The following SEZ6L variants were observed in gnomAD, a reference collection of about 807,000 sequenced individuals.
The protein encoded by SEZ6L is seizure 6-like protein.
Under a neutral mutation model 106.2 loss-of-function variants are expected in SEZ6L, and 37 were observed. That is an observed-to-expected ratio of 0.35 (90% confidence interval 0.27 to 0.46). The LOEUF (loss-of-function observed/expected upper bound fraction) is 0.46. Among genes scored for constraint, SEZ6L ranks in the 20% least tolerant of loss-of-function variants. The pLI, the probability that SEZ6L is intolerant of heterozygous loss-of-function variation, is 1.00. For missense variants in SEZ6L, 1,172 were observed against 1,332.8 expected, an observed-to-expected ratio of 0.88 and a Z score of 1.88; for synonymous variants, 541 against 570.4, an observed-to-expected ratio of 0.95 and a Z score of 0.73.
chr22:26,349,960 CAGCACTACAGAGAA>C (rs2083217543), intron 11 of SEZ6L, among the ~76,000 whole-genome samples: 1 of 151,794 alleles, frequency 6.6e-6, no homozygotes, highest in African/African-American at 2.4e-5. Flanking sequence ...TACTACATTC[CAGCACTACAGAGAA>C]AGCAGTGAAG....
intron 10 of SEZ6L, 87 bp downstream of exon 10, chr22:26,340,719 T>C: frequency 9.2e-7 from 1 of 1,084,796 alleles, no homozygotes; most frequent in South Asian, 1.6e-5. Context: ...GGCAGTTTTG[T>C]ACTACAGCGA....
At chr22:26,269,360 G>A (rs1601327652) in intron 1 of SEZ6L, among the ~76,000 whole-genome samples, 1 of 152,164 alleles carries the variant, frequency 6.6e-6, no homozygotes, top group Non-Finnish European at 1.5e-5. Flanking sequence ...CTTCCTCAGA[G>A]CTTGAACTAG....
chr22:26,377,251 G>A (rs191484799), intron 15 of SEZ6L, among the ~76,000 whole-genome samples: 10 of 152,260 alleles, frequency 6.6e-5, no homozygotes, highest in African/African-American at 2.2e-4. Flanking sequence ...ACTACAACCC[G>A]GGTGACAGAG....
At chr22:26,348,465 C>T (rs533963870) in intron 11 of SEZ6L, among the ~76,000 whole-genome samples, 5 of 136,572 alleles carry the variant, frequency 3.7e-5, no homozygotes, top group South Asian at 4.8e-4. Flanking sequence ...TGCCCTTTAG[C>T]CTGGGTGACA....
chr22:26,360,315 C>G (rs6005026), intron 12 of SEZ6L, among the ~76,000 whole-genome samples: 11,577 of 152,172 alleles, frequency 0.076, 1,526 homozygotes, highest in African/African-American at 0.26. Flanking sequence ...CTTTATGCAC[C>G]TTCCATCTCC....
intron 1 of SEZ6L, among the ~76,000 whole-genome samples, chr22:26,269,725 A>G (rs2080302867): frequency 6.6e-6 from 1 of 152,212 alleles, no homozygotes; most frequent in African/African-American, 2.4e-5. Flanking sequence ...CCTGCCTGTC[A>G]CAGAAGCTGC....
chr22:26,334,950 T>A (rs1445038929), intron 9 of SEZ6L, among the ~76,000 whole-genome samples: 1 of 152,128 alleles, frequency 6.6e-6, no homozygotes, highest in African/African-American at 2.4e-5. Context: ...CAAACTGCCA[T>A]CCCGTTTTCC....
At chr22:26,350,655 C>CTTT (rs1181293548) in intron 11 of SEZ6L, among the ~76,000 whole-genome samples, 6 of 130,398 alleles carry the variant, frequency 4.6e-5, no homozygotes, top group African/African-American at 1.2e-4. Flanking sequence ...AGTTAGGAAA[C>CTTT]TTTTTTTTTT....
At chr22:26,175,209 T>G (rs892637714) in intron 1 of SEZ6L, among the ~76,000 whole-genome samples, 1 of 152,206 alleles carries the variant, frequency 6.6e-6, no homozygotes, top group Non-Finnish European at 1.5e-5. Context: ...TAGCAAGCAT[T>G]TAAGTAAAGC....
intron 1 of SEZ6L, among the ~76,000 whole-genome samples, chr22:26,287,268 G>A (rs1159885416): frequency 1.3e-5 from 2 of 152,108 alleles, no homozygotes; most frequent in African/African-American, 4.8e-5. Flanking sequence ...CATCTCTTCT[G>A]TTTGATCTCT....
intron 9 of SEZ6L, among the ~76,000 whole-genome samples, chr22:26,333,817 A>G (rs1200511647): frequency 6.6e-6 from 1 of 152,196 alleles, no homozygotes; most frequent in Non-Finnish European, 1.5e-5. Flanking sequence ...GCTCTGTGCA[A>G]TAGTGAATCA....
chr22:26,171,737 G>A (rs1157456718), intron 1 of SEZ6L, among the ~76,000 whole-genome samples: 2 of 152,150 alleles, frequency 1.3e-5, no homozygotes, highest in Non-Finnish European at 2.9e-5. Flanking sequence ...CAATTGATGT[G>A]CTACTTCAGA....
chr22:26,245,232 T>C (rs2079294110), intron 1 of SEZ6L, among the ~76,000 whole-genome samples: 1 of 152,132 alleles, frequency 6.6e-6, no homozygotes, highest in Admixed American at 6.5e-5. Context: ...GTAGCCAAGG[T>C]AGCTATGCAA....
chr22:26,223,300 C>G (rs1257947367), intron 1 of SEZ6L, among the ~76,000 whole-genome samples: 1 of 152,154 alleles, frequency 6.6e-6, no homozygotes, highest in Non-Finnish European at 1.5e-5. Flanking sequence ...GACTCCAAGT[C>G]CAGGTAGGTC....
intron 1 of SEZ6L, among the ~76,000 whole-genome samples, chr22:26,239,242 A>G (rs906628519): frequency 3.9e-5 from 6 of 152,140 alleles, no homozygotes; most frequent in African/African-American, 1.4e-4. Flanking sequence ...GAGGGGGAGC[A>G]TCTGGCCAGC....
intron 1 of SEZ6L, among the ~76,000 whole-genome samples, chr22:26,287,383 T>A (rs2080971407): frequency 6.6e-6 from 1 of 152,126 alleles, no homozygotes; most frequent in Admixed American, 6.5e-5. Flanking sequence ...TAGGAGAAAG[T>A]GAACACCCAA....
rs1012168329 is a variant in SEZ6L, at chr22:26,179,821, C to T, written c.94+10058C>T. Among the ~76,000 whole-genome samples, 4 of 152,284 alleles carry T rather than the reference C, an allele frequency of 2.6e-5. No individual in the cohort carries two copies. The South Asian group carries it at 8.3e-4, about 32-fold the overall frequency. On this transcript the variant is annotated intron_variant, in intron 1 of 16. Coordinates refer to ENST00000248933, the MANE Select transcript of SEZ6L (RefSeq NM_021115.5). ...CTCACTCACCATAGATCTCTCATCA[C>T]CTCCACTTACCCATTCGCTATTATG...
At chr22:26,375,300 G>T (rs534051885) in intron 14 of SEZ6L, among the ~76,000 whole-genome samples, 4 of 152,140 alleles carry the variant, frequency 2.6e-5, no homozygotes, top group Non-Finnish European at 5.9e-5. Flanking sequence ...TTTAACTGTA[G>T]CTCCCAAAAA....
chr22:26,377,763 T>C lies in SEZ6L; in HGVS notation c.3033T>C (p.Ile1011=), dbSNP rs1224352837. 3.1e-6 allele frequency: 5 copies of C among 1,611,560 alleles called. No homozygotes were observed. The East Asian group carries it at 1.1e-4, about 36-fold the overall frequency. ...TGGAAACCGAGTTTGACAACCCCAT[T>C]TACGAGACAGGGGTGAGTTGGTCTC... ...ITVETEFDNP[I]YETGETREYE... The change falls in exon 16 of 17, where the codon ATT becomes ATC. Residue 1011 remains isoleucine, a synonymous_variant. Coordinates refer to ENST00000248933, the MANE Select transcript of SEZ6L (RefSeq NM_021115.5).
Sources: allele counts gnomAD v4.1 joint callset (sites outside exome capture counted in the v4.1 genomes callset), GRCh38; gene constraint gnomAD v4.1.1; transcripts MANE v1.5; gene names NCBI Gene and HGNC (gene_info 2026-07-23, HGNC 2026-07-21).